Variants in IQSEC3 observed in about 807,000 individuals in gnomAD.
IQSEC3 encodes the protein IQ motif and SEC7 domain-containing protein 3.
In IQSEC3, 50 loss-of-function variants were observed where a neutral mutation model predicts 105.4. The ratio of observed to expected loss-of-function variants is 0.47; its 90% CI spans 0.38 to 0.60. The LOEUF is 0.60. IQSEC3 is among the 20% of genes least tolerant of loss of function. IQSEC3 has a pLI of 0.00. For missense variants in IQSEC3, 1,415 were observed against 1,630.0 expected (o/e 0.87, Z 2.27); for synonymous variants, 708 against 746.0 (o/e 0.95, Z 0.83).
chr12:128,857 G>A (rs1216660146), intron 3 of IQSEC3, among the ~76,000 whole-genome samples: 1 of 152,096 alleles, frequency 6.6e-6, no homozygotes, highest in Non-Finnish European at 1.5e-5. Flanking sequence ...GCTGATCCTC[G>A]GGAAAGCCTC....
intron 1 of IQSEC3, among the ~76,000 whole-genome samples, chr12:97,824 C>T (rs369829095): frequency 1.9e-4 from 29 of 152,264 alleles, no homozygotes; most frequent in Admixed American, 7.8e-4. Flanking sequence ...AGTTAAGATA[C>T]GCTACAGTGT....
chr12:141,881 G>A (rs1555089397), intron 5 of IQSEC3: 1 of 152,372 alleles, frequency 6.6e-6, no homozygotes. Flanking sequence ...GGACCCCCAG[G>A]GGGCTGCCTT....
At chr12:173,302 A>T (rs1343252733) in intron 13 of IQSEC3, among the ~76,000 whole-genome samples, 1 of 152,164 alleles carries the variant, frequency 6.6e-6, no homozygotes, top group Non-Finnish European at 1.5e-5. Flanking sequence ...GCTGAGAAGG[A>T]AAAATAAAGC....
chr12:149,270 C>G (rs781970550), intron 5 of IQSEC3: 2 of 152,280 alleles, frequency 1.3e-5, no homozygotes, highest in African/African-American at 4.8e-5. Flanking sequence ...GCGGTCTAAT[C>G]GGTGCCCATT....
At chr12:166,478 T>G (rs1434540034) in intron 11 of IQSEC3, among the ~76,000 whole-genome samples, 2 of 152,204 alleles carry the variant, frequency 1.3e-5, no homozygotes, top group Admixed American at 1.3e-4. Flanking sequence ...AGAGAATATG[T>G]GGGTCTCTTT....
intron 5 of IQSEC3, among the ~76,000 whole-genome samples, chr12:156,498 C>A (rs782368221): frequency 2.0e-5 from 3 of 151,900 alleles, no homozygotes; most frequent in Non-Finnish European, 2.9e-5. Flanking sequence ...GCTGGGGCAG[C>A]TGGGGGGAGC....
At chr12:146,270 GA>G (rs1460870601) in intron 5 of IQSEC3, among the ~76,000 whole-genome samples, 7 of 152,202 alleles carry the variant, frequency 4.6e-5, no homozygotes, top group Non-Finnish European at 1.0e-4. Flanking sequence ...TTCCCATGAG[GA>G]AGGGGAGAGC....
chr12:119,279 C>T (rs1164092715), intron 2 of IQSEC3, among the ~76,000 whole-genome samples: 5 of 152,144 alleles, frequency 3.3e-5, no homozygotes, highest in African/African-American at 1.2e-4. Context: ...CTGCCTATAT[C>T]CCTTGGCACT....
chr12:111,504 T>C (rs1325100447), intron 2 of IQSEC3: 1 of 152,204 alleles, frequency 6.6e-6, no homozygotes, highest in Non-Finnish European at 1.5e-5. Flanking sequence ...GGTTAGTCTC[T>C]GTGTCTGAGC....
chr12:115,008 G>A (rs1202564918), intron 2 of IQSEC3, among the ~76,000 whole-genome samples: 3 of 152,240 alleles, frequency 2.0e-5, no homozygotes, highest in African/African-American at 7.2e-5. Context: ...CAGCATGAAA[G>A]CCTGGAGCTA....
At chr12:156,463 G>GGGGGAGCTGGGGCAGCTGT (rs1194000472) in intron 5 of IQSEC3, among the ~76,000 whole-genome samples, 3 of 152,028 alleles carry the variant, frequency 2.0e-5, no homozygotes, top group Non-Finnish European at 4.4e-5. Flanking sequence ...GGGGCAGCTG[G>GGGGGAGCTGGGGCAGCTGT]GGGGAGCTGG....
At chr12:132,280 C>T (rs1170864870) in intron 3 of IQSEC3, among the ~76,000 whole-genome samples, 4 of 151,890 alleles carry the variant, frequency 2.6e-5, no homozygotes, top group African/African-American at 7.3e-5. Context: ...TGGGGGCGGT[C>T]GGGGGAGAGC....
At chr12:113,618 C>G (rs1864962302) in intron 2 of IQSEC3, among the ~76,000 whole-genome samples, 1 of 152,314 alleles carries the variant, frequency 6.6e-6, no homozygotes, top group African/African-American at 2.4e-5. Flanking sequence ...CATGAGTCCT[C>G]AGATTCCTCA....
rs1866706827 is a variant in IQSEC3 at position 156,908 on chromosome 12, G to A, written c.2154-117G>A. On this transcript the variant is annotated intron_variant, in intron 5 of 13. Coordinates refer to ENST00000538872, the MANE Select transcript of IQSEC3 (RefSeq NM_001170738.2). ...GGGCATTAAAGGGCGACCCCCGGGG[G>A]TGAGTAGCCTGAGGGGCCCTGCACC... The A allele has an allele frequency of 9.4e-6, 12 of 1,275,726 alleles. No individual in the cohort carries two copies. In the South Asian group the frequency reaches 2.1e-4, roughly 23 times the overall value. 79.0% of individuals were successfully genotyped at this position (1,275,726 alleles called of 1,614,324 possible).
rs114706716 is a variant in IQSEC3, at chr12:150,752, G to A, written c.2154-6273G>A. Among the ~76,000 whole-genome samples the A allele has an allele frequency of 1.1e-3, 173 of 152,322 alleles. 1 individual carries two copies. Among genetic ancestry groups the A allele is most frequent in the African/African-American group, 4.0e-3 (168 of 41,566 alleles). On this transcript the variant is annotated intron_variant, in intron 5 of 13. Transcript: ENST00000538872. The stretch of plus-strand genomic sequence containing the variant: ...TGGAGCAGGTTGAAGAGTGAATGGA[G>A]AAGAGGAAGTGGAGGCAGCAAAGAG...
At chr12:109,496 C>T (rs1432068995) in intron 2 of IQSEC3, among the ~76,000 whole-genome samples, 1 of 152,196 alleles carries the variant, frequency 6.6e-6, no homozygotes, top group Non-Finnish European at 1.5e-5. Flanking sequence ...TCCACTCACC[C>T]TTCCACATCC....
At chr12:109,416 T>C (rs782518031) in intron 2 of IQSEC3, among the ~76,000 whole-genome samples, 3 of 152,180 alleles carry the variant, frequency 2.0e-5, no homozygotes, top group Non-Finnish European at 4.4e-5. Context: ...TCTGCAGCCT[T>C]ACTGACGGCT....
At chr12:121,249 A>C (rs1444873218) in intron 2 of IQSEC3, among the ~76,000 whole-genome samples, 1 of 152,248 alleles carries the variant, frequency 6.6e-6, no homozygotes. Flanking sequence ...ATGGGCTTCC[A>C]GTTCCATAAG....
At chr12:171,279 C>T in intron 13 of IQSEC3, 118 bp downstream of exon 13, 1 of 1,614,090 alleles carries the variant, frequency 6.2e-7, no homozygotes, top group Non-Finnish European at 8.5e-7. Flanking sequence ...CCCGACTCAC[C>T]ATTTTACCAA....
Sources: gnomAD v4.1 joint callset for allele counts (sites outside exome capture counted in the v4.1 genomes callset) on GRCh38, gnomAD v4.1.1 for gene constraint, MANE v1.5 for transcripts, NCBI Gene and HGNC (gene_info 2026-07-23, HGNC 2026-07-21) for gene names.